The following TG variants were observed in gnomAD, a reference collection of about 807,000 sequenced individuals.
The protein encoded by TG is thyroglobulin, also known as thyroid hormones.
TG carries 270 observed loss-of-function variants against 324.7 expected under a neutral mutation model. That is an observed-to-expected ratio of 0.83 (90% CI 0.75 to 0.92). The LOEUF (loss-of-function observed/expected upper bound fraction) is 0.92, where lower values mean the gene tolerates loss of function less well. Among genes scored for constraint, TG ranks in the 40% least tolerant of loss-of-function variants. The pLI is 0.00. For synonymous variants in TG, 1,401 were observed against 1,327.0 expected, an observed-to-expected ratio of 1.06 and a Z score of -1.21; for missense variants, 3,591 against 3,456.4, an observed-to-expected ratio of 1.04 and a Z score of -0.98.
chr8:132,958,193 T>C (rs1827210592), intron 27 of TG, among the ~76,000 whole-genome samples: 1 of 152,240 alleles, frequency 6.6e-6, no homozygotes, highest in African/African-American at 2.4e-5. Flanking sequence ...GAGATAAATG[T>C]TGTTTCTTTA....
intron 41 of TG, among the ~76,000 whole-genome samples, chr8:133,067,184 C>T (rs997069254): frequency 2.6e-5 from 4 of 152,144 alleles, no homozygotes; most frequent in African/African-American, 9.7e-5. Flanking sequence ...TTCACAGGTG[C>T]ACCTCTCTGA....
intron 12 of TG, 91 bp downstream of exon 12, chr8:132,897,877 G>A: frequency 6.7e-7 from 1 of 1,484,106 alleles, no homozygotes. Context: ...AAGTGAGCTG[G>A]ACTCTTAGGC....
chr8:132,933,226 G>A (rs1822991069), intron 23 of TG, among the ~76,000 whole-genome samples: 1 of 18,518 alleles, frequency 5.4e-5, no homozygotes, highest in South Asian at 1.6e-3. Flanking sequence ...TTGGAGGTGT[G>A]TGTATTTGAA....
At chr8:133,102,489 T>C (rs1334341241) in intron 43 of TG, 4 of 1,474,744 alleles carry the variant, frequency 2.7e-6, no homozygotes, top group Non-Finnish European at 3.7e-6. Context: ...CTCCCCCACA[T>C]ACCACCCCAG....
intron 22 of TG, among the ~76,000 whole-genome samples, chr8:132,925,092 G>T (rs1022079743): frequency 1.3e-5 from 2 of 152,114 alleles, no homozygotes; most frequent in Non-Finnish European, 2.9e-5. Flanking sequence ...AACATACATG[G>T]GCTTACTGTG....
At chr8:132,903,474 G>A (rs1818222550) in intron 16 of TG, among the ~76,000 whole-genome samples, 1 of 152,252 alleles carries the variant, frequency 6.6e-6, no homozygotes, top group Admixed American at 6.5e-5. Context: ...AGCAGGGCAA[G>A]GGAGTTTGGG....
At chr8:132,965,188 G>A (rs541968434) in intron 29 of TG, among the ~76,000 whole-genome samples, 4 of 152,284 alleles carry the variant, frequency 2.6e-5, no homozygotes, top group African/African-American at 9.6e-5. Flanking sequence ...CTGTCCTCTT[G>A]TGCCAGGCAT....
chr8:132,986,227 C>G (rs1190814018), intron 35 of TG, among the ~76,000 whole-genome samples: 9 of 151,784 alleles, frequency 5.9e-5, no homozygotes, highest in Non-Finnish European at 2.9e-5. Context: ...TTTTTAGGCT[C>G]TCTGTATGGT....
chr8:132,875,483 C>T (rs1006815848), intron 5 of TG, among the ~76,000 whole-genome samples: 4 of 152,218 alleles, frequency 2.6e-5, no homozygotes, highest in African/African-American at 9.7e-5. Context: ...AACTGTCTGG[C>T]TCCTTTTAGT....
chr8:133,038,413 C>T, intron 41 of TG: 1 of 832,012 alleles, frequency 1.2e-6, no homozygotes. Context: ...CTCTTGGCTT[C>T]TAAAATACGT....
chr8:133,043,166 C>T (rs545464249), intron 41 of TG, among the ~76,000 whole-genome samples: 5 of 152,198 alleles, frequency 3.3e-5, no homozygotes, highest in East Asian at 3.9e-4. Context: ...GAACATACTG[C>T]GGGAAGGCGC....
intron 14 of TG, among the ~76,000 whole-genome samples, chr8:132,899,484 TCTG>T (rs1817614639): frequency 6.6e-6 from 1 of 152,232 alleles, no homozygotes; most frequent in African/African-American, 2.4e-5. Flanking sequence ...CACCACCCAC[TCTG>T]CTCAGCTTCC....
In TG at chr8:132,972,634, G is replaced by A; in HGVS notation, c.6092G>A (p.Gly2031Glu). The A allele has an allele frequency of 1.2e-6, 2 of 1,612,814 alleles. No homozygotes were observed. The highest frequency in any genetic ancestry group is 1.7e-6 in the Non-Finnish European group (2 of 1,179,796). The change falls in exon 34 of 48, where the codon GGA becomes GAA. Residue 2031 changes from glycine to glutamate, a missense_variant. By Grantham distance (98) the Gly-to-Glu change is moderately conservative (BLOSUM62 -2). Coordinates refer to ENST00000220616, the MANE Select transcript of TG (RefSeq NM_003235.5). ...ACATGTCTCACTCTGAACAGCTTGGGAATTCAGATGTGCAGTGAGGAGAAT... is the reference window on the plus strand; with the variant it reads ...ACATGTCTCACTCTGAACAGCTTGGAAATTCAGATGTGCAGTGAGGAGAAT... ...EVTCLTLNSLGIQMCSEENGG... is the reference protein window; with the variant it reads ...EVTCLTLNSLEIQMCSEENGG...
At chr8:132,951,328 T>A (rs1826071751) in intron 27 of TG, among the ~76,000 whole-genome samples, 1 of 152,188 alleles carries the variant, frequency 6.6e-6, no homozygotes, top group Non-Finnish European at 1.5e-5. Context: ...TTGGTGGAAT[T>A]CCATGAAGCA....
At chr8:132,961,179 A>G (rs1827707746) in intron 28 of TG, 106 bp downstream of exon 28, 3 of 1,141,072 alleles carry the variant, frequency 2.6e-6, no homozygotes, top group African/African-American at 1.5e-5. Flanking sequence ...AGGAATAGGT[A>G]GAGAGTCACT....
At position 133,067,862 on chromosome 8, in the gene TG, GAAAGA is replaced by G. The variant is rs1564145352; in HGVS notation, c.7240-27179_7240-27175del. On this transcript the variant is annotated intron_variant, in intron 41 of 47. Transcript: ENST00000220616. ...AGAGACAGAGAGAGAGAGAAAGAAA[GAAAGA>G]AAGGAAGGAAGGAAGGAAGTATGTA... Among the ~76,000 whole-genome samples the G allele has an allele frequency of 1.0e-3, 73 of 72,148 alleles. 1 individual carries two copies. Among genetic ancestry groups the G allele is most frequent in the African/African-American group, 5.0e-3 (71 of 14,278 alleles). The allele number at this position is 72,148 out of a possible 152,430, so 47.3% of individuals were successfully genotyped here. A position where few individuals can be genotyped will look rare whatever the true frequency, so the allele number is the denominator to read the frequency against.
chr8:133,081,884 A>G (rs1845806836), intron 41 of TG, among the ~76,000 whole-genome samples: 1 of 152,152 alleles, frequency 6.6e-6, no homozygotes, highest in African/African-American at 2.4e-5. Context: ...CCTCTGACGG[A>G]TTGTCACACA....
At chr8:133,018,240 C>G (rs1487727340) in intron 38 of TG, among the ~76,000 whole-genome samples, 1 of 152,194 alleles carries the variant, frequency 6.6e-6, no homozygotes, top group Non-Finnish European at 1.5e-5. Flanking sequence ...ATGCTCTGCT[C>G]CATGCAGTGA....
At chr8:133,065,453 C>A (rs753670499) in intron 41 of TG, among the ~76,000 whole-genome samples, 13 of 152,164 alleles carry the variant, frequency 8.5e-5, no homozygotes, top group Non-Finnish European at 1.5e-4. Context: ...AAGAAGGCAA[C>A]AGAAAAGTGA....
Sources: allele counts gnomAD v4.1 joint callset (sites outside exome capture counted in the v4.1 genomes callset), GRCh38; gene constraint gnomAD v4.1.1; transcripts MANE v1.5; gene names NCBI Gene and HGNC (gene_info 2026-07-23, HGNC 2026-07-21).